Variants in FBXO11 observed in about 807,000 individuals in gnomAD.
FBXO11 encodes the protein F-box only protein 11.
A neutral mutation model predicts 117.0 loss-of-function variants in FBXO11; 13 were observed. The observed-to-expected ratio is 0.11, with a 90% CI of 0.07 to 0.18. The LOEUF (loss-of-function observed/expected upper bound fraction) is 0.18, where lower values mean the gene tolerates loss of function less well. FBXO11 is among the 10% of genes least tolerant of loss of function. The pLI is 1.00. For missense variants in FBXO11, 767 were observed against 1,164.4 expected (o/e 0.66, Z 4.97); for synonymous variants, 490 against 380.5 (o/e 1.29, Z -3.35).
In FBXO11 at chr2:47,807,897, C is replaced by CTT. The variant is rs1283461930; in HGVS notation, c.*219_*220dup. The CTT allele has an allele frequency of 2.2e-6, 1 of 465,048 alleles. No homozygotes were observed. Among genetic ancestry groups the CTT allele is most frequent in the Non-Finnish European group, 3.9e-6 (1 of 259,080 alleles). 28.8% of individuals were successfully genotyped at this position (465,048 alleles called of 1,614,324 possible). ...TTTCTTCACTTCTGTCCCTTCAAGT[C>CTT]TTTACACAGTAATGCTAAAACACCC... On this transcript the variant is annotated 3_prime_UTR_variant, in exon 23 of 23. Coordinates refer to ENST00000403359, the MANE Select transcript of FBXO11 (RefSeq NM_001190274.2).
intron 8 of FBXO11, 25 bp downstream of exon 8, chr2:47,832,939 T>A: frequency 6.2e-7 from 1 of 1,601,236 alleles, no homozygotes; most frequent in Non-Finnish European, 8.6e-7. Context: ...TTTCAATGTG[T>A]ATTTTAAATC....
At chr2:47,828,809 T>C (rs917767369) in intron 11 of FBXO11, among the ~76,000 whole-genome samples, 2 of 152,176 alleles carry the variant, frequency 1.3e-5, no homozygotes, top group Non-Finnish European at 2.9e-5. Context: ...ACCTTAGACT[T>C]TCAATGAAGT....
intron 4 of FBXO11, 78 bp from the exon 5 acceptor site, chr2:47,836,079 T>A: frequency 9.8e-7 from 1 of 1,017,850 alleles, no homozygotes. Context: ...CTATAACAAT[T>A]ATTTGAGGCC....
chr2:47,864,814 T>C (rs1000943655), intron 1 of FBXO11, among the ~76,000 whole-genome samples: 1 of 152,202 alleles, frequency 6.6e-6, no homozygotes, highest in Non-Finnish European at 1.5e-5. Context: ...AAGCAAAGCC[T>C]TGAAATTTAC....
intron 1 of FBXO11, among the ~76,000 whole-genome samples, chr2:47,867,721 G>A (rs914537793): frequency 5.3e-5 from 8 of 150,316 alleles, no homozygotes; most frequent in African/African-American, 1.5e-4. Context: ...AATGCCTGGA[G>A]TAAGTCAATA....
intron 1 of FBXO11, among the ~76,000 whole-genome samples, chr2:47,881,693 A>G (rs998587160): frequency 1.3e-5 from 2 of 152,134 alleles, no homozygotes; most frequent in Non-Finnish European, 2.9e-5. Flanking sequence ...GATCATTTGT[A>G]TATCATCAGG....
intron 4 of FBXO11, among the ~76,000 whole-genome samples, chr2:47,837,210 C>T (rs1438708597): frequency 1.3e-5 from 2 of 152,192 alleles, no homozygotes; most frequent in East Asian, 3.9e-4. Flanking sequence ...ATTCTCATTT[C>T]TCCTTTGTAA....
intron 19 of FBXO11, chr2:47,810,115 G>A (rs987934046): frequency 1.9e-6 from 1 of 525,538 alleles, no homozygotes. Context: ...AGCAATAAGA[G>A]CAATATTTCT....
At position 47,883,738 on chromosome 2, in the gene FBXO11, G is replaced by A. The variant is rs1676608067; in HGVS notation, c.232+21751C>T. On this transcript the variant is annotated intron_variant, in intron 1 of 22. Transcript: ENST00000403359. ...GAAGAATAAGCACGAGAGAAAGAAG[G>A]TTAAGTTGGCTGTCCTTAAATACCA... 26 of 263,828 alleles carry A rather than the reference G, an allele frequency of 9.9e-5. No homozygotes were observed. The Admixed American group carries it at 1.0e-3, about 11-fold the overall frequency. 16.3% of individuals were successfully genotyped at this position (263,828 alleles called of 1,614,324 possible).
chr2:47,873,315 G>C (rs1440268937), intron 1 of FBXO11, among the ~76,000 whole-genome samples: 1 of 152,158 alleles, frequency 6.6e-6, no homozygotes, highest in African/African-American at 2.4e-5. Flanking sequence ...TCAGCTTTCC[G>C]CCTTGATGGT....
intron 11 of FBXO11, among the ~76,000 whole-genome samples, chr2:47,831,872 T>C (rs993492059): frequency 2.0e-5 from 3 of 152,182 alleles, no homozygotes; most frequent in African/African-American, 7.2e-5. Flanking sequence ...CAGTTTAAAA[T>C]TTTCAAGAGG....
chr2:47,893,265 T>C (rs1209359425), intron 1 of FBXO11, among the ~76,000 whole-genome samples: 1 of 152,188 alleles, frequency 6.6e-6, no homozygotes, highest in African/African-American at 2.4e-5. Context: ...TCTTTTAACA[T>C]ACTCTGCTGG....
At chr2:47,889,259 G>C (rs983820953) in intron 1 of FBXO11, among the ~76,000 whole-genome samples, 1 of 152,178 alleles carries the variant, frequency 6.6e-6, no homozygotes, top group Non-Finnish European at 1.5e-5. Flanking sequence ...CACTGTTTCA[G>C]AGAAATACAT....
chr2:47,838,762 T>C (rs188997415), intron 4 of FBXO11, 97 bp downstream of exon 4: 443 of 1,104,298 alleles, frequency 4.0e-4, no homozygotes, highest in Non-Finnish European at 3.8e-4. Context: ...CAACTAATTG[T>C]AACTACCAAC....
chr2:47,857,565 T>C (rs1052578054), intron 1 of FBXO11, among the ~76,000 whole-genome samples: 1 of 152,116 alleles, frequency 6.6e-6, no homozygotes, highest in Non-Finnish European at 1.5e-5. Flanking sequence ...AGAAAATCAA[T>C]AAAAATAATC....
chr2:47,877,064 T>C (rs1268690801), intron 1 of FBXO11, among the ~76,000 whole-genome samples: 1 of 151,896 alleles, frequency 6.6e-6, no homozygotes, highest in East Asian at 1.9e-4. Flanking sequence ...TGAGAGGGTC[T>C]TGCTCTGTTG....
intron 7 of FBXO11, among the ~76,000 whole-genome samples, chr2:47,833,794 C>T (rs573012714): frequency 4.6e-5 from 7 of 152,078 alleles, no homozygotes; most frequent in Non-Finnish European, 7.4e-5. Context: ...CCTCCAGAGT[C>T]GCTGGGATTA....
chr2:47,904,924 G>A (rs576921932), intron 1 of FBXO11, among the ~76,000 whole-genome samples: 1 of 152,034 alleles, frequency 6.6e-6, no homozygotes, highest in Non-Finnish European at 1.5e-5. Flanking sequence ...CCGTGACCAG[G>A]GACGGGGGGG....
intron 1 of FBXO11, among the ~76,000 whole-genome samples, chr2:47,904,762 C>G (rs1408449748): frequency 6.6e-6 from 1 of 151,982 alleles, no homozygotes; most frequent in African/African-American, 2.4e-5. Flanking sequence ...CTGCACTGCA[C>G]ACGAGGGAGG....
Sources: gnomAD v4.1 joint callset for allele counts (sites outside exome capture counted in the v4.1 genomes callset) on GRCh38, gnomAD v4.1.1 for gene constraint, MANE v1.5 for transcripts, NCBI Gene and HGNC (gene_info 2026-07-23, HGNC 2026-07-21) for gene names.